EYS: variants seen among roughly 807,000 people sequenced by gnomAD.
The protein encoded by EYS is EGF-like photoreceptor maintenance factor.
In EYS, 250 loss-of-function variants were observed where a neutral mutation model predicts 282.1. The observed-to-expected ratio is 0.89, with a 90% CI of 0.80 to 0.98. EYS has a LOEUF of 0.98. Among genes scored for constraint, EYS ranks in the 50% least tolerant of loss-of-function variants. The pLI, the probability that EYS is intolerant of heterozygous loss-of-function variation, is 0.00. For synonymous variants in EYS, 1,355 were observed against 1,282.9 expected (o/e 1.06, Z -1.20); for missense variants, 4,016 against 3,709.0 (o/e 1.08, Z -2.15).
intron 26 of EYS, among the ~76,000 whole-genome samples, chr6:64,532,015 C>G (rs138165526): frequency 6.6e-6 from 1 of 152,112 alleles, no homozygotes; most frequent in Non-Finnish European, 1.5e-5. Flanking sequence ...GACAATTCTA[C>G]CAGGCAACCA....
intron 5 of EYS, among the ~76,000 whole-genome samples, chr6:65,456,958 C>T (rs914063434): frequency 2.0e-5 from 3 of 152,004 alleles, no homozygotes; most frequent in Non-Finnish European, 4.4e-5. Flanking sequence ...TGCTACTTAC[C>T]ATTATCTCCT....
chr6:65,109,454 G>A (rs960356130), intron 12 of EYS, among the ~76,000 whole-genome samples: 3 of 151,378 alleles, frequency 2.0e-5, no homozygotes, highest in Admixed American at 1.3e-4. Context: ...TTTTACTTGG[G>A]CGGTAGCTCC....
At chr6:64,471,006 C>CA (rs1776107240) in intron 26 of EYS, among the ~76,000 whole-genome samples, 1 of 151,968 alleles carries the variant, frequency 6.6e-6, no homozygotes, top group South Asian at 2.1e-4. Flanking sequence ...AGACTCAACC[C>CA]AAAAAGCCTT....
intron 29 of EYS, among the ~76,000 whole-genome samples, chr6:64,332,235 A>T (rs1252004022): frequency 6.6e-6 from 1 of 152,124 alleles, no homozygotes; most frequent in African/African-American, 2.4e-5. Flanking sequence ...CCGGGTATTC[A>T]CCCTGTGAGA....
chr6:64,058,825 A>T (rs1287775654), intron 33 of EYS, among the ~76,000 whole-genome samples: 2 of 152,190 alleles, frequency 1.3e-5, no homozygotes, highest in Non-Finnish European at 2.9e-5. Flanking sequence ...ATTTTGCTGT[A>T]TACTCTGCCA....
At chr6:64,148,634 A>C (rs1289304362) in intron 31 of EYS, among the ~76,000 whole-genome samples, 1 of 152,144 alleles carries the variant, frequency 6.6e-6, no homozygotes, top group African/African-American at 2.4e-5. Context: ...TAAAATCAGA[A>C]TCTTGTATTT....
intron 22 of EYS, among the ~76,000 whole-genome samples, chr6:64,712,355 G>A (rs1010724713): frequency 6.6e-6 from 1 of 152,186 alleles, no homozygotes; most frequent in African/African-American, 2.4e-5. Flanking sequence ...GTTTGTGGAA[G>A]CATGATTAAT....
chr6:64,559,035 T>C (rs1221274330), intron 26 of EYS, among the ~76,000 whole-genome samples: 1 of 152,162 alleles, frequency 6.6e-6, no homozygotes, highest in Non-Finnish European at 1.5e-5. Context: ...TTTGTTTGTT[T>C]GATCTTACAA....
At chr6:63,768,255 C>G (rs548551980) in intron 40 of EYS, among the ~76,000 whole-genome samples, 2 of 152,038 alleles carry the variant, frequency 1.3e-5, no homozygotes, top group South Asian at 4.1e-4. Flanking sequence ...AGCTTCTGCA[C>G]AGCAAAAGAA....
intron 12 of EYS, among the ~76,000 whole-genome samples, chr6:65,120,297 T>C (rs2150195207): frequency 6.6e-6 from 1 of 151,340 alleles, no homozygotes; most frequent in East Asian, 1.9e-4. Context: ...TCAGAAAACA[T>C]ACTTTAAAAC....
intron 41 of EYS, among the ~76,000 whole-genome samples, chr6:63,727,771 G>A (rs1426785395): frequency 2.0e-5 from 2 of 98,268 alleles, no homozygotes; most frequent in East Asian, 6.0e-4. Flanking sequence ...GCATGGTGGC[G>A]AATGCCTGTG....
chr6:63,975,995 TAC>T (rs1766818822), intron 35 of EYS, among the ~76,000 whole-genome samples: 1 of 152,052 alleles, frequency 6.6e-6, no homozygotes, highest in Non-Finnish European at 1.5e-5. Context: ...TACAGATCTG[TAC>T]AGCATGTAGT....
chr6:64,002,638 A>T (rs1477012060), intron 33 of EYS, among the ~76,000 whole-genome samples: 1 of 152,178 alleles, frequency 6.6e-6, no homozygotes, highest in East Asian at 1.9e-4. Context: ...GGGGAGGCAC[A>T]TCCCTGTCAC....
chr6:63,864,328 T>C lies in EYS; in HGVS notation c.7086A>G (p.Pro2362=), dbSNP rs1451128585. The C allele has an allele frequency of 6.4e-7, 1 of 1,551,440 alleles. No homozygotes were observed. The highest frequency in any genetic ancestry group is 8.7e-7 in the Non-Finnish European group (1 of 1,146,782). The change falls in exon 36 of 43, where the codon CCA becomes CCG. Residue 2362 remains proline (P), a synonymous_variant. Coordinates refer to ENST00000503581, the MANE Select transcript of EYS (RefSeq NM_001142800.2). ...GGCACAGCTTGCCTGAATACAGCCTTGGACACTCACAAAACAGATTTTCAT... is the reference window on the plus strand; with the variant it reads ...GGCACAGCTTGCCTGAATACAGCCTCGGACACTCACAAAACAGATTTTCAT... ...SDNENLFCEC[P]RLYSGKLCQF...
At chr6:65,312,881 G>T (rs1769198259) in intron 11 of EYS, among the ~76,000 whole-genome samples, 1 of 151,986 alleles carries the variant, frequency 6.6e-6, no homozygotes, top group Non-Finnish European at 1.5e-5. Context: ...TTAAATTCTG[G>T]CTCTTTAGGA....
At chr6:64,244,100 A>G (rs912873693) in intron 30 of EYS, among the ~76,000 whole-genome samples, 1 of 152,160 alleles carries the variant, frequency 6.6e-6, no homozygotes, top group Non-Finnish European at 1.5e-5. Context: ...GATTTCCCCA[A>G]TCCCTCACTA....
At chr6:64,534,959 T>C (rs1764473308) in intron 26 of EYS, among the ~76,000 whole-genome samples, 1 of 152,042 alleles carries the variant, frequency 6.6e-6, no homozygotes, top group South Asian at 2.1e-4. Context: ...ACATAACACC[T>C]ATATTTTTCT....
chr6:64,301,316 C>T (rs1328386208), intron 30 of EYS, among the ~76,000 whole-genome samples: 1 of 152,206 alleles, frequency 6.6e-6, no homozygotes, highest in Non-Finnish European at 1.5e-5. Context: ...GCCCTGGATT[C>T]TCCCAGGTAT....
rs887481248 is a variant in EYS at position 65,069,282 on chromosome 6, A to C, written c.2024-11555T>G. On this transcript the variant is annotated intron_variant, in intron 12 of 42. Coordinates refer to ENST00000503581, the MANE Select transcript of EYS (RefSeq NM_001142800.2). Reference sequence around the variant, plus strand: ...AGAAAACAGAAAACTTTCATCTTACATCATCCTCATTCTTTCTCTCTTCCT... The same window carrying C: ...AGAAAACAGAAAACTTTCATCTTACCTCATCCTCATTCTTTCTCTCTTCCT... Among the ~76,000 whole-genome samples, 14 of 151,904 alleles carry C rather than the reference A, an allele frequency of 9.2e-5. No individual in the cohort carries two copies. The Admixed American group carries it at 9.2e-4, about 10-fold the overall frequency.
Sources: allele counts gnomAD v4.1 joint callset (sites outside exome capture counted in the v4.1 genomes callset), GRCh38; gene constraint gnomAD v4.1.1; transcripts MANE v1.5; gene names NCBI Gene and HGNC (gene_info 2026-07-23, HGNC 2026-07-21).